The following MEI4 variants were observed in gnomAD, a reference collection of about 807,000 sequenced individuals.
MEI4 encodes the protein meiotic double-stranded break formation protein 4.
In MEI4, 27 loss-of-function variants were observed where a neutral mutation model predicts 31.4. The observed-to-expected ratio is 0.86, with a 90% CI of 0.63 to 1.19. The LOEUF is 1.19. Among genes scored for constraint, MEI4 ranks in the 50% most tolerant of loss-of-function variants. The pLI is 0.00. For synonymous variants in MEI4, 122 were observed against 145.4 expected, an observed-to-expected ratio of 0.84 and a Z score of 1.16; for missense variants, 329 against 398.9, an observed-to-expected ratio of 0.82 and a Z score of 1.49.
chr6:77,852,536 TA>T (rs1386731999), intron 4 of MEI4, among the ~76,000 whole-genome samples: 6 of 151,908 alleles, frequency 3.9e-5, no homozygotes, highest in Non-Finnish European at 8.8e-5. Context: ...AACCAACTTT[TA>T]TTTTTTTGCT....
chr6:77,779,796 C>T (rs1768547984), intron 3 of MEI4, among the ~76,000 whole-genome samples: 1 of 152,142 alleles, frequency 6.6e-6, no homozygotes, highest in African/African-American at 2.4e-5. Flanking sequence ...ACATGGCATG[C>T]AGATGGCTGT....
At chr6:77,843,135 G>A (rs1240149327) in intron 4 of MEI4, among the ~76,000 whole-genome samples, 1 of 150,548 alleles carries the variant, frequency 6.6e-6, no homozygotes, top group Non-Finnish European at 1.5e-5. Context: ...AAAATGTAGA[G>A]TACAGTGAAA....
intron 4 of MEI4, among the ~76,000 whole-genome samples, chr6:77,918,212 G>C (rs1766613139): frequency 6.6e-6 from 1 of 151,964 alleles, no homozygotes; most frequent in African/African-American, 2.4e-5. Context: ...GATGGCTCCA[G>C]CTTTGTTCTT....
rs557239599 is a variant in MEI4 at position 77,726,318 on chromosome 6, T to A, written c.233-34812T>A. 6.6e-5 allele frequency among the ~76,000 whole-genome samples: 10 copies of A among 151,668 alleles called. No individual in the cohort carries two copies. The South Asian group carries it at 2.1e-3, about 32-fold the overall frequency. The stretch of plus-strand genomic sequence containing the variant: ...AAATGGAGTCTCCTATGTCTACTTC[T>A]TTCTACACAGACACAGTAACAATCT... On this transcript the variant is annotated intron_variant, in intron 2 of 4. Coordinates refer to ENST00000684080, the MANE Select transcript of MEI4 (RefSeq NM_001322247.2).
At chr6:77,854,667 A>G (rs1770705567) in intron 4 of MEI4, among the ~76,000 whole-genome samples, 1 of 152,192 alleles carries the variant, frequency 6.6e-6, no homozygotes, top group Admixed American at 6.5e-5. Flanking sequence ...GGCTTGTGAC[A>G]CTTATGACAG....
At chr6:77,861,896 C>CT (rs1172813783) in intron 4 of MEI4, among the ~76,000 whole-genome samples, 3 of 152,008 alleles carry the variant, frequency 2.0e-5, no homozygotes, top group Non-Finnish European at 4.4e-5. Context: ...TTCTGATGAT[C>CT]TTTTTTTATA....
At chr6:77,818,482 A>G (rs1008377300) in intron 3 of MEI4, among the ~76,000 whole-genome samples, 1 of 152,156 alleles carries the variant, frequency 6.6e-6, no homozygotes, top group African/African-American at 2.4e-5. Context: ...GATTTTCACA[A>G]TCTTGCTTCT....
chr6:77,680,207 A>AG (rs1181266200), intron 1 of MEI4, among the ~76,000 whole-genome samples: 1 of 149,162 alleles, frequency 6.7e-6, no homozygotes, highest in Non-Finnish European at 1.5e-5. Flanking sequence ...TGAACCTGGG[A>AG]GGCGGAGCTT....
chr6:77,754,949 T>G (rs959637934), intron 2 of MEI4, among the ~76,000 whole-genome samples: 4 of 152,078 alleles, frequency 2.6e-5, no homozygotes, highest in Admixed American at 2.6e-4. Flanking sequence ...TGAGATGAGA[T>G]TTAAATGGGG....
At chr6:77,872,174 A>C (rs1771211521) in intron 4 of MEI4, among the ~76,000 whole-genome samples, 1 of 152,138 alleles carries the variant, frequency 6.6e-6, no homozygotes, top group Non-Finnish European at 1.5e-5. Flanking sequence ...TTGTATTTTT[A>C]CCAGAATAGG....
intron 3 of MEI4, among the ~76,000 whole-genome samples, chr6:77,812,113 C>T (rs1237080322): frequency 6.6e-6 from 1 of 151,988 alleles, no homozygotes; most frequent in Admixed American, 6.6e-5. Flanking sequence ...AGCTAAAATA[C>T]GTGGCTTGTA....
chr6:77,757,891 C>T lies in MEI4; in HGVS notation c.233-3239C>T, dbSNP rs183668276. 4.5e-3 allele frequency among the ~76,000 whole-genome samples: 692 copies of T among 152,224 alleles called. 5 individuals are homozygous for T. The highest frequency in any genetic ancestry group is 0.016 in the African/African-American group (676 of 41,546). ...TATAGAAATAGGACAGGCGTGGTGGCTCATGCCTGTAATCCCAGCACTTTG... is the reference window on the plus strand; with the variant it reads ...TATAGAAATAGGACAGGCGTGGTGGTTCATGCCTGTAATCCCAGCACTTTG... On this transcript the variant is annotated intron_variant, in intron 2 of 4. Transcript: ENST00000684080.
At chr6:77,680,205 G>A (rs979219038) in intron 1 of MEI4, among the ~76,000 whole-genome samples, 1 of 150,748 alleles carries the variant, frequency 6.6e-6, no homozygotes, top group African/African-American at 2.4e-5. Context: ...CGTGAACCTG[G>A]GAGGCGGAGC....
chr6:77,810,125 C>A (rs1365158869), intron 3 of MEI4, among the ~76,000 whole-genome samples: 1 of 152,164 alleles, frequency 6.6e-6, no homozygotes, highest in Non-Finnish European at 1.5e-5. Context: ...ATATGTTGCC[C>A]ACCATCAGAT....
At chr6:77,768,565 T>G (rs1281808919) in intron 3 of MEI4, among the ~76,000 whole-genome samples, 2 of 151,938 alleles carry the variant, frequency 1.3e-5, no homozygotes, top group Non-Finnish European at 2.9e-5. Context: ...CCAGACATGG[T>G]GGCATGCACC....
chr6:77,846,859 C>A (rs1770499443), intron 4 of MEI4, among the ~76,000 whole-genome samples: 1 of 152,142 alleles, frequency 6.6e-6, no homozygotes, highest in Non-Finnish European at 1.5e-5. Flanking sequence ...GTATACAGAG[C>A]ATTAGTGCCC....
rs1352487914 is a variant in MEI4, at chr6:77,827,231, G to A, written c.769-1700G>A. On this transcript the variant is annotated intron_variant, in intron 3 of 4. Coordinates refer to ENST00000684080, the MANE Select transcript of MEI4 (RefSeq NM_001322247.2). ...AAAAATTAGCTGGGTGTGGTGGCGG[G>A]TGCCTGTAGTCCCAGCTACATTGGG... is the stretch of plus-strand genomic sequence containing the variant. 3.3e-5 allele frequency among the ~76,000 whole-genome samples: 5 copies of A among 151,666 alleles called. No homozygotes were observed. The South Asian group carries it at 6.2e-4, about 19-fold the overall frequency.
upstream of MEI4, among the ~76,000 whole-genome samples, chr6:77,652,436 G>A (rs1768316703): frequency 1.3e-5 from 2 of 152,130 alleles, no homozygotes; most frequent in Admixed American, 6.6e-5. Context: ...GGTCAGGTGG[G>A]GGTGATTGTG....
chr6:77,920,760 T>C (rs1766684202), intron 4 of MEI4, among the ~76,000 whole-genome samples: 1 of 151,920 alleles, frequency 6.6e-6, no homozygotes, highest in African/African-American at 2.4e-5. Context: ...ATTAAAACAT[T>C]AATCTCTTTA....
Sources: gnomAD v4.1 joint callset for allele counts (sites outside exome capture counted in the v4.1 genomes callset) on GRCh38, gnomAD v4.1.1 for gene constraint, MANE v1.5 for transcripts, NCBI Gene and HGNC (gene_info 2026-07-23, HGNC 2026-07-21) for gene names.